PCDHAC2: variants seen among roughly 807,000 people sequenced by gnomAD.
PCDHAC2 encodes the protein protocadherin alpha-C2.
Under a neutral mutation model 63.3 loss-of-function variants are expected in PCDHAC2, and 24 were observed. The ratio of observed to expected loss-of-function variants is 0.38; its 90% CI spans 0.27 to 0.53. PCDHAC2 has a LOEUF of 0.53. Ranked by LOEUF, PCDHAC2 falls within the 20% of genes least tolerant of loss-of-function variation. The pLI is 0.81. For missense variants in PCDHAC2, 1,181 were observed against 1,275.2 expected (o/e 0.93, Z 1.12); for synonymous variants, 569 against 529.4 (o/e 1.07, Z -1.03).
intron 3 of PCDHAC2, among the ~76,000 whole-genome samples, chr5:141,000,713 C>G (rs570396356): frequency 6.6e-6 from 1 of 151,652 alleles, no homozygotes; most frequent in Non-Finnish European, 1.5e-5. Context: ...CAGGCATGAG[C>G]CACTGTGCCT....
rs577838197 is a variant in PCDHAC2, at chr5:140,982,551, A to G, written c.2701A>G (p.Ser901Gly). 28 of 1,614,198 alleles carry G rather than the reference A, an allele frequency of 1.7e-5. No individual in the cohort carries two copies. Among genetic ancestry groups the G allele is most frequent in the South Asian group, 1.2e-4 (11 of 91,088 alleles). The change falls in exon 3 of 4, where the codon AGT (serine) becomes GGT (glycine). Residue 901 changes from serine (S) to glycine (G), a missense_variant. Coordinates refer to ENST00000289269, the MANE Select transcript of PCDHAC2 (RefSeq NM_018899.6). ...GPDQQWPTVS[S>G]ATPEPEAGEV... is the part of the protein sequence containing the mutation. ...TGATCAGCAGTGGCCAACAGTATCC[A>G]GTGCAACACCAGGTAAAGAGCTGGG... is the stretch of plus-strand genomic sequence containing the variant.
chr5:140,995,764 G>C (rs2097697128), intron 3 of PCDHAC2, among the ~76,000 whole-genome samples: 1 of 152,134 alleles, frequency 6.6e-6, no homozygotes, highest in Non-Finnish European at 1.5e-5. Flanking sequence ...AGAAAATGTG[G>C]AGAGTGAAGG....
At chr5:140,982,312 T>C in intron 2 of PCDHAC2, 163 bp from the exon 3 acceptor site, 1 of 1,315,948 alleles carries the variant, frequency 7.6e-7, no homozygotes, top group Non-Finnish European at 1.0e-6. Context: ...TTCTGCAGTT[T>C]ATGCAGGGTG....
At chr5:140,986,673 A>G (rs782404000) in intron 3 of PCDHAC2, among the ~76,000 whole-genome samples, 2 of 152,168 alleles carry the variant, frequency 1.3e-5, no homozygotes. Context: ...TTTTCAGAAG[A>G]GTTCAGAAAG....
intron 3 of PCDHAC2, among the ~76,000 whole-genome samples, chr5:141,007,109 GA>G (rs1473367544): frequency 6.6e-6 from 1 of 152,138 alleles, no homozygotes; most frequent in Non-Finnish European, 1.5e-5. Flanking sequence ...CAAACCCAAG[GA>G]AGCTTCAACA....
At position 140,966,642 on chromosome 5, in the gene PCDHAC2, GA is replaced by G. The variant is rs1563353190; in HGVS notation, c.-124del. On this transcript the variant is annotated 5_prime_UTR_variant, in exon 1 of 4. Coordinates refer to ENST00000289269, the MANE Select transcript of PCDHAC2 (RefSeq NM_018899.6). Reference sequence around the variant, plus strand: ...AGGGAGCGGCCCCAGGCGCTTTCTAGAGCGTGAGCGGTGGGGGAGCAGGCGC... The same window carrying G: ...AGGGAGCGGCCCCAGGCGCTTTCTAGGCGTGAGCGGTGGGGGAGCAGGCGC... 3.1e-5 allele frequency: 35 copies of G among 1,117,790 alleles called. No homozygotes were observed. Among genetic ancestry groups the G allele is most frequent in the Non-Finnish European group, 4.1e-5 (35 of 846,066 alleles). The allele number at this position is 1,117,790 out of a possible 1,614,324, so 69.2% of individuals were successfully genotyped here. A position where few individuals can be genotyped will look rare whatever the true frequency, so the allele number is the denominator to read the frequency against.
intron 3 of PCDHAC2, among the ~76,000 whole-genome samples, chr5:141,006,214 TTA>T (rs2098261511): frequency 6.6e-6 from 1 of 152,046 alleles, no homozygotes; most frequent in South Asian, 2.1e-4. Flanking sequence ...TCATTTTTTT[TTA>T]AATTTTTTAT....
chr5:140,979,359 T>C (rs1554240585), intron 2 of PCDHAC2, among the ~76,000 whole-genome samples: 1 of 152,206 alleles, frequency 6.6e-6, no homozygotes, highest in Non-Finnish European at 1.5e-5. Context: ...TACTCATGCT[T>C]TGAGACTTGG....
intron 2 of PCDHAC2, among the ~76,000 whole-genome samples, chr5:140,980,840 A>G (rs1248070793): frequency 1.3e-5 from 2 of 152,200 alleles, no homozygotes; most frequent in African/African-American, 4.8e-5. Context: ...GAACCTAAAT[A>G]ATACTAATCT....
chr5:140,983,359 A>G (rs1310994731), intron 3 of PCDHAC2, among the ~76,000 whole-genome samples: 1 of 152,254 alleles, frequency 6.6e-6, no homozygotes, highest in African/African-American at 2.4e-5. Flanking sequence ...TAATAGAAAT[A>G]TGGCTTTGGA....
chr5:140,967,498 T>G lies in PCDHAC2; in HGVS notation c.732T>G (p.Ser244=). 1.2e-6 allele frequency: 2 copies of G among 1,613,108 alleles called. No individual in the cohort carries two copies. Among genetic ancestry groups the G allele is most frequent in the Non-Finnish European group, 1.7e-6 (2 of 1,179,402 alleles). The change falls in exon 1 of 4, where the codon TCT becomes TCG. Residue 244 remains serine, a synonymous_variant. Transcript: ENST00000289269. The part of the protein sequence containing the change: ...IPARSGTAQI[S]VRVLDTNDNS... ...CCCGCTCGGGTACGGCACAGATCTC[T>G]GTGCGTGTCCTGGACACTAACGACA...
intron 1 of PCDHAC2, among the ~76,000 whole-genome samples, chr5:140,969,910 A>G (rs1364534841): frequency 9.9e-5 from 15 of 152,216 alleles, no homozygotes; most frequent in African/African-American, 3.6e-4. Context: ...GTCACAAGTG[A>G]TAAAGCTGTA....
In PCDHAC2 at chr5:141,011,141, A is replaced by T. The variant is rs1039778930; in HGVS notation, c.*1204A>T. ...ACAATTATGTGCACTTTGATACACA[A>T]CCTTCTCTAACCAACTATATATCAA... is the stretch of plus-strand genomic sequence containing the variant. On this transcript the variant is annotated 3_prime_UTR_variant, in exon 4 of 4. Transcript: ENST00000289269. 2.6e-5 allele frequency: 4 copies of T among 153,668 alleles called. No homozygotes were observed. The highest frequency in any genetic ancestry group is 4.4e-5 in the Non-Finnish European group (3 of 68,036). The allele number at this position is 153,668 out of a possible 1,614,324, so 9.5% of individuals were successfully genotyped here. A position where few individuals can be genotyped will look rare whatever the true frequency, so the allele number is the denominator to read the frequency against.
At chr5:140,990,778 T>C (rs2097414170) in intron 3 of PCDHAC2, among the ~76,000 whole-genome samples, 1 of 152,208 alleles carries the variant, frequency 6.6e-6, no homozygotes, top group South Asian at 2.1e-4. Flanking sequence ...GGCTCTGTGT[T>C]GGACGATGAA....
chr5:140,988,387 T>G (rs1337322360), intron 3 of PCDHAC2, among the ~76,000 whole-genome samples: 1 of 152,202 alleles, frequency 6.6e-6, no homozygotes, highest in Non-Finnish European at 1.5e-5. Flanking sequence ...CTCATTGTGT[T>G]TGCCAGAGTT....
At position 140,992,594 on chromosome 5, in the gene PCDHAC2, G is replaced by T. The variant is rs782416770; in HGVS notation, c.2713+10031G>T. On this transcript the variant is annotated intron_variant, in intron 3 of 3. Coordinates refer to ENST00000289269, the MANE Select transcript of PCDHAC2 (RefSeq NM_018899.6). ...ATTGCCTGCCTTGTATGCATCTAGC[G>T]TCTGTGTCTAAGTGAAAGCAGATTA... Among the ~76,000 whole-genome samples, 5 of 152,266 alleles carry T rather than the reference G, an allele frequency of 3.3e-5. No individual in the cohort carries two copies. The East Asian group carries it at 7.7e-4, about 24-fold the overall frequency.
chr5:140,979,949 A>G (rs1554241287), intron 2 of PCDHAC2, among the ~76,000 whole-genome samples: 2 of 152,248 alleles, frequency 1.3e-5, no homozygotes, highest in African/African-American at 4.8e-5. Context: ...TTAATGTGAA[A>G]TTAGTTTTAG....
chr5:141,003,406 G>A (rs2098122557), intron 3 of PCDHAC2, among the ~76,000 whole-genome samples: 1 of 152,134 alleles, frequency 6.6e-6, no homozygotes, highest in African/African-American at 2.4e-5. Flanking sequence ...CCGCCTCCCG[G>A]GTTCGAGTGA....
In PCDHAC2 at chr5:141,010,661, C is replaced by T. The variant is rs1331706826; in HGVS notation, c.*724C>T. ...AACAGTTCAGTGTTTTAACAGAGAA[C>T]CACCCTGGGAAACAGAAGCAGATCT... On this transcript the variant is annotated 3_prime_UTR_variant, in exon 4 of 4. Transcript: ENST00000289269. 6.0e-6 allele frequency: 1 copy of T among 166,290 alleles called. No homozygotes were observed. Among genetic ancestry groups the T allele is most frequent in the Non-Finnish European group, 1.3e-5 (1 of 76,066 alleles). 10.3% of individuals were successfully genotyped at this position (166,290 alleles called of 1,614,324 possible).
Sources: allele counts gnomAD v4.1 joint callset (sites outside exome capture counted in the v4.1 genomes callset), GRCh38; gene constraint gnomAD v4.1.1; transcripts MANE v1.5; gene names NCBI Gene and HGNC (gene_info 2026-07-23, HGNC 2026-07-21).